The following CEP70 variants were observed in gnomAD, a reference collection of about 807,000 sequenced individuals.
CEP70 encodes the protein centrosomal protein 70, also known as centrosomal protein of 70 kDa.
Under a neutral mutation model 90.9 loss-of-function variants are expected in CEP70, and 70 were observed. The ratio of observed to expected loss-of-function variants is 0.77; its 90% confidence interval spans 0.64 to 0.94. The LOEUF is 0.94. Among genes scored for constraint, CEP70 ranks in the 40% least tolerant of loss-of-function variants. The pLI is 0.00. For synonymous variants in CEP70, 220 were observed against 228.3 expected (o/e 0.96, Z 0.33); for missense variants, 648 against 669.0 (o/e 0.97, Z 0.35).
At chr3:138,528,359 G>C (rs986707927) in intron 10 of CEP70, among the ~76,000 whole-genome samples, 2 of 152,060 alleles carry the variant, frequency 1.3e-5, no homozygotes, top group African/African-American at 4.8e-5. Flanking sequence ...GAAGTTCTTA[G>C]CTAGTTTTGT....
Position 138,546,548 on chromosome 3 carries a change from C to T in CEP70, c.466-9201G>A, listed in dbSNP as rs1486750461. Among the ~76,000 whole-genome samples the T allele has an allele frequency of 5.3e-5, 8 of 152,020 alleles. No individual in the cohort carries two copies. In the East Asian group the frequency reaches 7.8e-4, roughly 15 times the overall value. Reference sequence around the variant, plus strand: ...CAGATCCCTTGAGGTCAGGAGTTCGCGATCAGCCTGGCCAACATGGTGAAA... The same window carrying T: ...CAGATCCCTTGAGGTCAGGAGTTCGTGATCAGCCTGGCCAACATGGTGAAA... On this transcript the variant is annotated intron_variant, in intron 6 of 17. Transcript: ENST00000264982.
At position 138,494,766 on chromosome 3, in the gene CEP70, T is replaced by C. The variant is rs2033859238; in HGVS notation, c.*249A>G. The C allele has an allele frequency of 1.4e-5, 4 of 287,528 alleles. No homozygotes were observed. The South Asian group carries it at 1.8e-4, about 13-fold the overall frequency. The allele number at this position is 287,528 out of a possible 1,614,324, so 17.8% of individuals were successfully genotyped here. A position where few individuals can be genotyped will look rare whatever the true frequency, so the allele number is the denominator to read the frequency against. ...TCCACTCTAAAACAACCTTAAATTT[T>C]AAGCACTCAATAATTGCTTTAGAAA... On this transcript the variant is annotated 3_prime_UTR_variant, in exon 18 of 18. Coordinates refer to ENST00000264982, the MANE Select transcript of CEP70 (RefSeq NM_024491.4).
Position 138,570,365 on chromosome 3 carries a change from G to A in CEP70, c.418C>T (p.Gln140Ter). The change falls in exon 6 of 18, where the codon CAA becomes TAA. Residue 140 changes from glutamine (Q) to a stop codon, truncating the protein, a stop_gained. Transcript: ENST00000264982. LOFTEE classifies it high-confidence loss of function. Reference sequence around the variant, plus strand: ...TGAAGATCTTTTATTTTATTCTGTTGGTGGCAAGCCCTACTTAGTGATTCA... The same window carrying A: ...TGAAGATCTTTTATTTTATTCTGTTAGTGGCAAGCCCTACTTAGTGATTCA... Reference protein sequence around the residue: ...EDESLSRACHQQNKIKDLQKE... With the variant: ...EDESLSRACH 6.3e-7 allele frequency: 1 copy of A among 1,597,836 alleles called. No homozygotes were observed. The highest frequency in any genetic ancestry group is 8.5e-7 in the Non-Finnish European group (1 of 1,174,946).
At chr3:138,495,716 G>A (rs2033912039) in intron 17 of CEP70, 1 of 199,792 alleles carries the variant, frequency 5.0e-6, no homozygotes, top group Admixed American at 6.5e-5. Flanking sequence ...GCTGGGTGTG[G>A]TAGTGGGCAC....
At chr3:138,557,049 T>C (rs1673594) in intron 6 of CEP70, among the ~76,000 whole-genome samples, 69,309 of 151,878 alleles carry the variant, frequency 0.46, 17,412 homozygotes, top group Admixed American at 0.6. Flanking sequence ...GTCTCGACCA[T>C]AGAAGACAGC....
chr3:138,589,822 A>C (rs754382958), intron 2 of CEP70, among the ~76,000 whole-genome samples: 1 of 152,226 alleles, frequency 6.6e-6, no homozygotes. Context: ...AAGAAGTGTG[A>C]GCCAAAGACT....
intron 11 of CEP70, among the ~76,000 whole-genome samples, chr3:138,514,240 G>A (rs775940156): frequency 6.6e-6 from 1 of 152,110 alleles, no homozygotes; most frequent in Non-Finnish European, 1.5e-5. Flanking sequence ...CAAGGCTCCT[G>A]GCCCCAAGTT....
At position 138,591,834 on chromosome 3, in the gene CEP70, A is replaced by T. The variant is rs2042397995; in HGVS notation, c.-6+20T>A. On this transcript the variant is annotated intron_variant, in intron 2 of 17. Coordinates refer to ENST00000264982, the MANE Select transcript of CEP70 (RefSeq NM_024491.4). The stretch of plus-strand genomic sequence containing the variant: ...CCATGGCCTCCCAACATCTGGAGTC[A>T]TCCGTTACATTAGACATACCTCAGT... The T allele has an allele frequency of 1.3e-6, 2 of 1,531,428 alleles. No individual in the cohort carries two copies. The highest frequency in any genetic ancestry group is 1.7e-6 in the Non-Finnish European group (2 of 1,143,338). The allele number at this position is 1,531,428 out of a possible 1,614,324, so 94.9% of individuals were successfully genotyped here. A position where few individuals can be genotyped will look rare whatever the true frequency, so the allele number is the denominator to read the frequency against.
chr3:138,566,673 T>C (rs1473861049), intron 6 of CEP70, among the ~76,000 whole-genome samples: 1 of 151,506 alleles, frequency 6.6e-6, no homozygotes, highest in East Asian at 1.9e-4. Context: ...GCTTGGGGGC[T>C]AGGGGAGGGA....
At position 138,500,855 on chromosome 3, in the gene CEP70, T is replaced by G. The variant is rs1220975039; in HGVS notation, c.1248A>C (p.Leu416=). Residue 416 remains leucine, a synonymous_variant, in exon 14 of 18, where the codon CTA becomes CTC. Coordinates refer to ENST00000264982, the MANE Select transcript of CEP70 (RefSeq NM_024491.4). ...TAAGCCAAGGTACCAGTTCTGCAGA[T>G]AGTGTTTTCAAGGACTTATACAAAT... is the stretch of plus-strand genomic sequence containing the variant. ...LKDLYKSLKT[L]SAELVPWLNL... 3 of 1,584,206 alleles carry G rather than the reference T, an allele frequency of 1.9e-6. No homozygotes were observed. Among genetic ancestry groups the G allele is most frequent in the South Asian group, 1.2e-5 (1 of 86,710 alleles).
intron 11 of CEP70, among the ~76,000 whole-genome samples, chr3:138,523,660 C>T (rs1327986174): frequency 1.3e-5 from 2 of 152,140 alleles, no homozygotes; most frequent in Non-Finnish European, 2.9e-5. Context: ...AGGAATCCCA[C>T]TTACAAGGAA....
intron 2 of CEP70, among the ~76,000 whole-genome samples, chr3:138,575,496 G>C (rs974459262): frequency 6.6e-6 from 1 of 152,150 alleles, no homozygotes; most frequent in African/African-American, 2.4e-5. Context: ...AAAAGTGATG[G>C]GGGGAATGGA....
chr3:138,496,589 A>G (rs1392267596), intron 17 of CEP70: 1 of 985,386 alleles, frequency 1.0e-6, no homozygotes, highest in Non-Finnish European at 1.2e-6. Flanking sequence ...TCCTCAGTCA[A>G]TCACACCATT....
In CEP70 at chr3:138,523,506, T is replaced by C. The variant is rs568838536; in HGVS notation, c.944+1984A>G. On this transcript the variant is annotated intron_variant, in intron 11 of 17. Coordinates refer to ENST00000264982, the MANE Select transcript of CEP70 (RefSeq NM_024491.4). ...GTCTCAGCCCAAAATCTCCTTAAGC[T>C]GATAGGCAACTTCAGCAAAGTCTCA... is the stretch of plus-strand genomic sequence containing the variant. Among the ~76,000 whole-genome samples, 699 of 152,246 alleles carry C rather than the reference T, an allele frequency of 4.6e-3. 4 individuals carry two copies. Among genetic ancestry groups the C allele is most frequent in the African/African-American group, 0.016 (673 of 41,522 alleles).
Position 138,505,391 on chromosome 3 carries a change from T to C in CEP70, c.1125A>G (p.Gly375=), listed in dbSNP as rs2034893160. 1 of 1,612,214 alleles carries C rather than the reference T, an allele frequency of 6.2e-7. No individual in the cohort carries two copies. Among genetic ancestry groups the C allele is most frequent in the South Asian group, 1.1e-5 (1 of 90,890 alleles). The change falls in exon 13 of 18, where the codon GGA becomes GGG. Residue 375 remains glycine (G), a synonymous_variant. Transcript: ENST00000264982. ...CAAGATCTTTATTAAAATTTTGGAC[T>C]CCCCCTTTGGTCTGTTTATAAATTA... ...PVIIYKQTKG[G]VQNFNKDLVQ... is the part of the protein sequence containing the mutation.
At chr3:138,521,266 C>T (rs972850832) in intron 11 of CEP70, among the ~76,000 whole-genome samples, 3 of 152,256 alleles carry the variant, frequency 2.0e-5, no homozygotes, top group Non-Finnish European at 2.9e-5. Context: ...TGCCAGGCCG[C>T]CCATCGTCTG....
In CEP70 at chr3:138,567,619, T is replaced by C. The variant is rs535104693; in HGVS notation, c.465+2699A>G. Among the ~76,000 whole-genome samples, 134 of 152,308 alleles carry C rather than the reference T, an allele frequency of 8.8e-4. 1 individual carries two copies. Among genetic ancestry groups the C allele is most frequent in the African/African-American group, 3.1e-3 (129 of 41,564 alleles). On this transcript the variant is annotated intron_variant, in intron 6 of 17. Transcript: ENST00000264982. ...ATAACCAAGTTTACTGACTAGCCCT[T>C]ATCTGTCATTAGTCCTTAATATATT...
At chr3:138,545,717 G>A (rs1002555057) in intron 6 of CEP70, among the ~76,000 whole-genome samples, 2 of 152,134 alleles carry the variant, frequency 1.3e-5, no homozygotes, top group African/African-American at 2.4e-5. Context: ...CCTGGGGAAG[G>A]AATGCATTCC....
In CEP70 at chr3:138,525,569, G is replaced by T; in HGVS notation, c.870-5C>A. The T allele has an allele frequency of 1.5e-6, 2 of 1,301,588 alleles. No homozygotes were observed. Among genetic ancestry groups the T allele is most frequent in the Non-Finnish European group, 2.0e-6 (2 of 987,826 alleles). The allele number at this position is 1,301,588 out of a possible 1,614,324, so 80.6% of individuals were successfully genotyped here. A position where few individuals can be genotyped will look rare whatever the true frequency, so the allele number is the denominator to read the frequency against. ...CTTAATTCATGCTGCGTAGGCCTGT[G>T]GAAAATAAATAATGATAAATTAATT... is the stretch of plus-strand genomic sequence containing the variant. On this transcript the variant is annotated splice_region_variant and splice_polypyrimidine_tract_variant and intron_variant, in intron 10 of 17. Transcript: ENST00000264982.
Sources: allele counts gnomAD v4.1 joint callset (sites outside exome capture counted in the v4.1 genomes callset), GRCh38; gene constraint gnomAD v4.1.1; transcripts MANE v1.5; gene names NCBI Gene and HGNC (gene_info 2026-07-23, HGNC 2026-07-21).